DACH2: variants seen among roughly 807,000 people sequenced by gnomAD.
DACH2 encodes dachshund family transcription factor 2, also known as dachshund homolog 2.
In DACH2, 17 loss-of-function variants were observed where a neutral mutation model predicts 35.8. That is an observed-to-expected ratio of 0.48 (90% CI 0.33 to 0.71). The LOEUF is 0.71. Ranked by LOEUF, DACH2 falls within the 30% of genes least tolerant of loss-of-function variation. The pLI is 0.02. For synonymous variants in DACH2, 195 were observed against 177.3 expected, an observed-to-expected ratio of 1.10 and a Z score of -0.79; for missense variants, 469 against 472.7, an observed-to-expected ratio of 0.99 and a Z score of 0.07.
intron 1 of DACH2, among the ~76,000 whole-genome samples, chrX:86,283,871 T>TACACACACACACACACAC (rs111448832): frequency 9.8e-6 from 1 of 102,143 alleles, no homozygotes; most frequent in African/African-American, 3.6e-5. Flanking sequence ...TTAAAGTATA[T>TACACACACACACACACAC]ACACACACAC....
chrX:86,493,859 G>A (rs778670386), intron 2 of DACH2, among the ~76,000 whole-genome samples: 2 of 112,093 alleles, frequency 1.8e-5, no homozygotes, highest in African/African-American at 3.2e-5. Context: ...AAGGGTGTGA[G>A]CCAGACAGTT....
chrX:86,355,333 G>T (rs2035625168), intron 1 of DACH2, among the ~76,000 whole-genome samples: 1 of 111,691 alleles, frequency 9.0e-6, no homozygotes, highest in Non-Finnish European at 1.9e-5. Flanking sequence ...GTGTGTATAT[G>T]TCTTTATGGT....
At chrX:86,294,984 G>T (rs758694233) in intron 1 of DACH2, among the ~76,000 whole-genome samples, 1 of 112,456 alleles carries the variant, frequency 8.9e-6, no homozygotes, top group Non-Finnish European at 1.9e-5. Flanking sequence ...GTTTACCTAA[G>T]CAAGCCTGGG....
chrX:86,513,765 G>A (rs2038427539), intron 2 of DACH2, among the ~76,000 whole-genome samples: 1 of 111,745 alleles, frequency 8.9e-6, no homozygotes, highest in Non-Finnish European at 1.9e-5. Flanking sequence ...TACTGAGGGT[G>A]GTAACCCTTT....
rs1192593714 is a variant in DACH2 at position 86,714,062 on chromosome X, C to T, written c.932-486C>T. 2.7e-5 allele frequency among the ~76,000 whole-genome samples: 3 copies of T among 111,554 alleles called. No homozygotes were observed. In the East Asian group the frequency reaches 8.4e-4, roughly 31 times the overall value. The stretch of plus-strand genomic sequence containing the variant: ...TTTATATCTAAAAGGGTATAACATA[C>T]TCCAAGTCTTGTTTTCTTCTACAGT... On this transcript the variant is annotated intron_variant, in intron 5 of 11. Transcript: ENST00000373125.
At chrX:86,744,881 T>C (rs2041695138) in intron 7 of DACH2, among the ~76,000 whole-genome samples, 1 of 111,515 alleles carries the variant, frequency 9.0e-6, no homozygotes, top group Non-Finnish European at 1.9e-5. Context: ...TGGGATTCTT[T>C]AGAGTACAGC....
At chrX:86,829,174 C>A (rs1187944721) in intron 11 of DACH2, 2 of 112,033 alleles carry the variant, frequency 1.8e-5, no homozygotes, top group African/African-American at 6.5e-5. Context: ...TTCTGGTATT[C>A]TTCATGGGCT....
chrX:86,427,072 A>G (rs1417036093), intron 2 of DACH2, among the ~76,000 whole-genome samples: 1 of 111,648 alleles, frequency 9.0e-6, no homozygotes, highest in East Asian at 2.8e-4. Context: ...TATCATTCAA[A>G]AGGAGTCAGT....
intron 3 of DACH2, among the ~76,000 whole-genome samples, chrX:86,529,198 T>C (rs2038676276): frequency 9.0e-6 from 1 of 111,309 alleles, no homozygotes; most frequent in Non-Finnish European, 1.9e-5. Context: ...CACACACCAC[T>C]ATACTTGGAT....
chrX:86,270,055 A>G (rs1217096357), intron 1 of DACH2, among the ~76,000 whole-genome samples: 1 of 100,875 alleles, frequency 9.9e-6, no homozygotes, highest in African/African-American at 3.6e-5. Flanking sequence ...TTTTTTTCCT[A>G]AAGAGTTTAC....
At chrX:86,378,513 C>T (rs946003568) in intron 2 of DACH2, among the ~76,000 whole-genome samples, 1 of 110,657 alleles carries the variant, frequency 9.0e-6, no homozygotes, top group Admixed American at 9.7e-5. Context: ...TGTGGGAATG[C>T]AGGCTCAGTA....
chrX:86,510,039 A>G (rs771243359), intron 2 of DACH2, among the ~76,000 whole-genome samples: 1 of 112,006 alleles, frequency 8.9e-6, no homozygotes, highest in South Asian at 3.7e-4. Flanking sequence ...TGTTTCTTTA[A>G]GAAGTAGGAA....
intron 2 of DACH2, among the ~76,000 whole-genome samples, chrX:86,432,235 G>T (rs2036996161): frequency 8.9e-6 from 1 of 112,087 alleles, no homozygotes; most frequent in African/African-American, 3.2e-5. Flanking sequence ...AAAAGAAGCT[G>T]ATTTTTGTTT....
chrX:86,682,268 T>C (rs2040889457), intron 4 of DACH2, among the ~76,000 whole-genome samples: 1 of 111,962 alleles, frequency 8.9e-6, no homozygotes. Flanking sequence ...AGTCAAAGCC[T>C]CAGTTAAAAG....
intron 1 of DACH2, among the ~76,000 whole-genome samples, chrX:86,323,790 G>A (rs2035060914): frequency 9.0e-6 from 1 of 111,585 alleles, no homozygotes; most frequent in African/African-American, 3.3e-5. Flanking sequence ...AACATTCCTA[G>A]CACCCCGAGG....
chrX:86,182,488 A>T (rs973360167), intron 1 of DACH2, among the ~76,000 whole-genome samples: 1 of 111,641 alleles, frequency 9.0e-6, no homozygotes, highest in African/African-American at 3.3e-5. Context: ...CAAAGATCAG[A>T]TGGCTGTAGA....
intron 1 of DACH2, among the ~76,000 whole-genome samples, chrX:86,229,109 T>A (rs1409338320): frequency 1.8e-5 from 2 of 111,954 alleles, no homozygotes; most frequent in African/African-American, 6.5e-5. Flanking sequence ...GGTCTTAGGT[T>A]TAAGTCCTTA....
intron 1 of DACH2, among the ~76,000 whole-genome samples, chrX:86,294,703 G>A (rs368971291): frequency 1.8e-5 from 2 of 110,366 alleles, no homozygotes; most frequent in African/African-American, 6.7e-5. Context: ...GTTTGCCCCT[G>A]CTGGGGGGTG....
intron 5 of DACH2, among the ~76,000 whole-genome samples, chrX:86,698,521 G>GTGTTTTTTTTTTTT (rs2041096546): frequency 6.1e-5 from 2 of 32,957 alleles, no homozygotes; most frequent in African/African-American, 2.9e-4. Context: ...TTAGTTTTGT[G>GTGTTTTTTTTTTTT]TTTTTTTTTT....
Sources: allele counts gnomAD v4.1 joint callset (sites outside exome capture counted in the v4.1 genomes callset), GRCh38; gene constraint gnomAD v4.1.1; transcripts MANE v1.5; gene names NCBI Gene and HGNC (gene_info 2026-07-23, HGNC 2026-07-21).